CPQ: variants seen among roughly 807,000 people sequenced by gnomAD.
CPQ encodes the protein Ser-Met dipeptidase.
CPQ carries 37 observed loss-of-function variants against 45.7 expected under a neutral mutation model. The observed-to-expected ratio is 0.81, with a 90% confidence interval of 0.62 to 1.07. The LOEUF is 1.07. CPQ is among the 50% of genes least tolerant of loss of function. The probability of loss-of-function intolerance (pLI) is 0.00; values close to 1 mark genes in which losing one functional copy is unlikely to be tolerated. For synonymous variants in CPQ, 186 were observed against 205.8 expected (o/e 0.90, Z 0.82); for missense variants, 537 against 572.9 (o/e 0.94, Z 0.64).
At chr8:96,890,763 C>T (rs996943720) in intron 4 of CPQ, among the ~76,000 whole-genome samples, 1 of 152,198 alleles carries the variant, frequency 6.6e-6, no homozygotes, top group Non-Finnish European at 1.5e-5. Flanking sequence ...ACATTCCTCC[C>T]TCTGGAACTA....
intron 1 of CPQ, among the ~76,000 whole-genome samples, chr8:96,713,983 T>C (rs1809645880): frequency 6.6e-6 from 1 of 152,240 alleles, no homozygotes; most frequent in South Asian, 2.1e-4. Context: ...TTCTGGCTTG[T>C]AAGGTTTCTG....
chr8:96,748,596 C>G (rs1363329459), intron 1 of CPQ, among the ~76,000 whole-genome samples: 1 of 151,998 alleles, frequency 6.6e-6, no homozygotes, highest in African/African-American at 2.4e-5. Flanking sequence ...TAGTTTGGCT[C>G]TCTCTGAGTT....
intron 2 of CPQ, among the ~76,000 whole-genome samples, chr8:96,804,506 T>C (rs1279414494): frequency 6.6e-6 from 1 of 152,130 alleles, no homozygotes; most frequent in Non-Finnish European, 1.5e-5. Flanking sequence ...ATACTATTAT[T>C]AGTAGTATAA....
At chr8:96,801,648 A>C (rs1300620109) in intron 2 of CPQ, among the ~76,000 whole-genome samples, 1 of 152,168 alleles carries the variant, frequency 6.6e-6, no homozygotes, top group Non-Finnish European at 1.5e-5. Flanking sequence ...ATTTTATGAA[A>C]AATCTTCTAG....
chr8:97,021,466 A>G (rs1470190915), intron 5 of CPQ, among the ~76,000 whole-genome samples: 1 of 152,042 alleles, frequency 6.6e-6, no homozygotes, highest in Non-Finnish European at 1.5e-5. Flanking sequence ...AACCCTAAAG[A>G]CTCCTCCAGA....
intron 3 of CPQ, among the ~76,000 whole-genome samples, chr8:96,835,432 A>G (rs1811517639): frequency 6.6e-6 from 1 of 152,198 alleles, no homozygotes; most frequent in Non-Finnish European, 1.5e-5. Flanking sequence ...CAGTGATCCC[A>G]TTACATTCCT....
intron 4 of CPQ, among the ~76,000 whole-genome samples, chr8:96,926,643 TCTTCTC>T (rs1554578128): frequency 1.3e-5 from 2 of 149,536 alleles, no homozygotes. Context: ...TCCTTCTTCT[TCTTCTC>T]CTTCTCCTTC....
At chr8:97,056,328 G>A (rs1810455637) in intron 6 of CPQ, 1 of 152,128 alleles carries the variant, frequency 6.6e-6, no homozygotes, top group African/African-American at 2.4e-5. Flanking sequence ...CTAAATAAGG[G>A]TTCCAACACA....
In CPQ at chr8:96,707,862, G is replaced by C. The variant is rs559005015; in HGVS notation, c.-35+62460G>C. The stretch of plus-strand genomic sequence containing the variant: ...TTGCCCCTTCCAGCTTCTGAATGCT[G>C]TCTATGTTTTTGGCTTGTGGCTCTT... On this transcript the variant is annotated intron_variant, in intron 1 of 7. Transcript: ENST00000220763. 2.6e-5 allele frequency among the ~76,000 whole-genome samples: 4 copies of C among 152,152 alleles called. No homozygotes were observed. In the East Asian group the frequency reaches 7.7e-4, roughly 29 times the overall value.
intron 3 of CPQ, among the ~76,000 whole-genome samples, chr8:96,836,838 A>G (rs1015977203): frequency 2.6e-5 from 4 of 151,988 alleles, no homozygotes; most frequent in Non-Finnish European, 5.9e-5. Flanking sequence ...TGGAAACCCA[A>G]GCTACAACTT....
chr8:97,081,015 T>C (rs141888160), intron 7 of CPQ, among the ~76,000 whole-genome samples: 83 of 152,276 alleles, frequency 5.5e-4, no homozygotes, highest in Middle Eastern at 3.4e-3. Context: ...TAGTATCTTA[T>C]GTAGAAACAT....
intron 1 of CPQ, among the ~76,000 whole-genome samples, chr8:96,733,254 C>G (rs571481842): frequency 6.0e-4 from 92 of 152,320 alleles, no homozygotes; most frequent in African/African-American, 2.2e-3. Context: ...CTTTATACCT[C>G]CACATTGCCA....
chr8:97,038,825 C>CAAA (rs35739621), intron 6 of CPQ, among the ~76,000 whole-genome samples: 1 of 91,868 alleles, frequency 1.1e-5, no homozygotes, highest in African/African-American at 4.2e-5. Flanking sequence ...ACCGTATTTA[C>CAAA]AAAAAAAAAA....
intron 2 of CPQ, among the ~76,000 whole-genome samples, chr8:96,787,562 G>A (rs58924508): frequency 1.1e-4 from 3 of 26,442 alleles, no homozygotes; most frequent in Non-Finnish European, 2.9e-4. Context: ...TTTTGTATCA[G>A]AGTAAGACTG....
At chr8:96,747,036 A>G (rs1247234870) in intron 1 of CPQ, among the ~76,000 whole-genome samples, 1 of 152,166 alleles carries the variant, frequency 6.6e-6, no homozygotes, top group Non-Finnish European at 1.5e-5. Context: ...CACGCCTGTA[A>G]TCCCAGCACT....
At chr8:97,079,563 T>C (rs1257225917) in intron 7 of CPQ, among the ~76,000 whole-genome samples, 5 of 152,130 alleles carry the variant, frequency 3.3e-5, no homozygotes, top group Non-Finnish European at 1.5e-5. Flanking sequence ...GTAGAGAAGC[T>C]AGAATTAACA....
intron 2 of CPQ, among the ~76,000 whole-genome samples, chr8:96,817,248 A>ATTTTCATGTTATGGGCCCTCTTTCC (rs1325031370): frequency 6.6e-6 from 1 of 152,044 alleles, no homozygotes; most frequent in Non-Finnish European, 1.5e-5. Flanking sequence ...TTCACCTTGC[A>ATTTTCATGTTATGGGCCCTCTTTCC]TTTTCATGTT....
At chr8:97,133,904 A>G (rs965156491) in intron 7 of CPQ, among the ~76,000 whole-genome samples, 1 of 152,184 alleles carries the variant, frequency 6.6e-6, no homozygotes, top group Admixed American at 6.5e-5. Flanking sequence ...CTTTATTTTT[A>G]AGTCATGAAT....
At chr8:97,090,692 CA>C (rs1388428311) in intron 7 of CPQ, among the ~76,000 whole-genome samples, 1 of 152,062 alleles carries the variant, frequency 6.6e-6, no homozygotes, top group African/African-American at 2.4e-5. Context: ...TAGGTTAAAC[CA>C]CAAAACTCTT....
Sources: gnomAD v4.1 joint callset for allele counts (sites outside exome capture counted in the v4.1 genomes callset) on GRCh38, gnomAD v4.1.1 for gene constraint, MANE v1.5 for transcripts, NCBI Gene and HGNC (gene_info 2026-07-23, HGNC 2026-07-21) for gene names.